Variants in VEZT observed in about 807,000 individuals in gnomAD.
VEZT encodes vezatin, adherens junctions transmembrane protein, also known as vezatin.
Under a neutral mutation model 79.9 loss-of-function variants are expected in VEZT, and 39 were observed. The observed-to-expected ratio is 0.49, with a 90% CI of 0.38 to 0.64. VEZT has a LOEUF of 0.64. VEZT is among the 30% of genes least tolerant of loss of function. The pLI, the probability that VEZT is intolerant of heterozygous loss-of-function variation, is 0.00. For synonymous variants in VEZT, 325 were observed against 327.6 expected, an observed-to-expected ratio of 0.99 and a Z score of 0.09; for missense variants, 837 against 893.1, an observed-to-expected ratio of 0.94 and a Z score of 0.80.
chr12:95,275,954 TAAA>T (rs1313913605), intron 7 of VEZT: 2 of 152,164 alleles, frequency 1.3e-5, no homozygotes, highest in East Asian at 3.9e-4. Flanking sequence ...AGAACACAAA[TAAA>T]AATAATAAGC....
intron 2 of VEZT, among the ~76,000 whole-genome samples, chr12:95,254,210 C>T (rs1467381883): frequency 6.6e-6 from 1 of 151,736 alleles, no homozygotes; most frequent in Non-Finnish European, 1.5e-5. Context: ...CCAGGTTGGT[C>T]TCAAACTCCT....
chr12:95,276,326 G>A (rs1198944159), intron 7 of VEZT, among the ~76,000 whole-genome samples: 1 of 133,976 alleles, frequency 7.5e-6, no homozygotes, highest in African/African-American at 2.8e-5. Flanking sequence ...AGTACAGTGT[G>A]GCTCAATCAC....
rs779855394 is a variant in VEZT at position 95,270,109 on chromosome 12, G to C, written c.769G>C (p.Gly257Arg). 6.2e-7 allele frequency: 1 copy of C among 1,611,912 alleles called. No individual in the cohort carries two copies. The highest frequency in any genetic ancestry group is 8.5e-7 in the Non-Finnish European group (1 of 1,179,102). Residue 257 changes from glycine (G) to arginine (R), a missense_variant, in exon 6 of 12, where the codon GGT becomes CGT. Coordinates refer to ENST00000436874, the MANE Select transcript of VEZT (RefSeq NM_017599.4). ...ACAGCATCCAAGTCAGCATCTCATC[G>C]GTCTTCGGAAAGCTGTCTACCGAAC... is the stretch of plus-strand genomic sequence containing the variant. ...AGQHPSQHLI[G>R]LRKAVYRTLR...
At chr12:95,236,306 G>A (rs1191667980) in intron 1 of VEZT, among the ~76,000 whole-genome samples, 17 of 152,160 alleles carry the variant, frequency 1.1e-4, no homozygotes, top group Non-Finnish European at 2.2e-4. Flanking sequence ...GCCTGTAATC[G>A]CAGGCACTGG....
At chr12:95,286,387 T>G in intron 8 of VEZT, 1 of 501,432 alleles carries the variant, frequency 2.0e-6, no homozygotes, top group South Asian at 1.6e-5. Flanking sequence ...CATATTTGCC[T>G]TTTGTGCCAG....
At chr12:95,280,524 TACACACACACAC>T (rs10611290) in intron 7 of VEZT, among the ~76,000 whole-genome samples, 13 of 137,734 alleles carry the variant, frequency 9.4e-5, no homozygotes, top group Non-Finnish European at 1.3e-4. Flanking sequence ...TTCATATGTG[TACACACACACAC>T]ACACACACAC....
chr12:95,300,716 C>T lies in VEZT; in HGVS notation c.*43C>T. 1 of 1,503,118 alleles carries T rather than the reference C, an allele frequency of 6.7e-7. No individual in the cohort carries two copies. Among genetic ancestry groups the T allele is most frequent in the African/African-American group, 1.4e-5 (1 of 71,966 alleles). The allele number at this position is 1,503,118 out of a possible 1,614,324, so 93.1% of individuals were successfully genotyped here. On this transcript the variant is annotated 3_prime_UTR_variant, in exon 12 of 12. Coordinates refer to ENST00000436874, the MANE Select transcript of VEZT (RefSeq NM_017599.4). ...AAGTGATATTAGATTGTTCCTTTTACAAAAGTGTTTAGCTTCAAGACTGGA... is the reference window on the plus strand; with the variant it reads ...AAGTGATATTAGATTGTTCCTTTTATAAAAGTGTTTAGCTTCAAGACTGGA...
intron 5 of VEZT, 111 bp downstream of exon 5, chr12:95,266,743 T>C (rs1340080727): frequency 1.7e-6 from 2 of 1,153,422 alleles, no homozygotes; most frequent in Non-Finnish European, 2.4e-6. Flanking sequence ...AAAAAAGTGC[T>C]TTTCTCTTTA....
intron 8 of VEZT, among the ~76,000 whole-genome samples, 159 bp downstream of exon 8, chr12:95,282,803 A>T (rs952747737): frequency 9.9e-5 from 15 of 152,200 alleles, no homozygotes; most frequent in South Asian, 2.1e-4. Context: ...CAAAAAAAAA[A>T]AATAATTTAT....
At chr12:95,219,215 G>T (rs910717910) in intron 1 of VEZT, among the ~76,000 whole-genome samples, 2 of 152,110 alleles carry the variant, frequency 1.3e-5, no homozygotes, top group Non-Finnish European at 2.9e-5. Context: ...ACTGATGGGT[G>T]TATTTTTTTT....
Position 95,279,739 on chromosome 12 carries a change from G to A in VEZT, c.997-2574G>A, listed in dbSNP as rs140701670. On this transcript the variant is annotated intron_variant, in intron 7 of 11. Transcript: ENST00000436874. ...CCCAAGTAGCTGGAACAACAGTTAT[G>A]TGCCACCATGCCTGACTAATTTTTA... Among the ~76,000 whole-genome samples the A allele has an allele frequency of 3.2e-3, 481 of 152,246 alleles. 2 individuals are homozygous for A. The highest frequency in any genetic ancestry group is 9.9e-3 in the African/African-American group (412 of 41,548).
intron 3 of VEZT, chr12:95,258,172 A>G (rs573450525): frequency 2.3e-6 from 1 of 441,334 alleles, no homozygotes; most frequent in Non-Finnish European, 4.5e-6. Context: ...TCAGGGTTTC[A>G]TCTTTGTTGA....
At chr12:95,250,383 A>C (rs1042935842) in intron 1 of VEZT, among the ~76,000 whole-genome samples, 2 of 148,222 alleles carry the variant, frequency 1.3e-5, no homozygotes, top group Non-Finnish European at 3.0e-5. Context: ...GCTCACTGCA[A>C]CCTCCACTTC....
At chr12:95,286,510 G>T in intron 8 of VEZT, 2 of 550,142 alleles carry the variant, frequency 3.6e-6, no homozygotes, top group Non-Finnish European at 7.3e-6. Flanking sequence ...AATTCCTCTT[G>T]GTTTGTCAAC....
intron 1 of VEZT, among the ~76,000 whole-genome samples, chr12:95,247,932 C>G (rs1264116929): frequency 4.6e-5 from 7 of 152,102 alleles, no homozygotes; most frequent in Admixed American, 1.3e-4. Flanking sequence ...TAGTAGATAA[C>G]TAGAAATTAC....
intron 7 of VEZT, among the ~76,000 whole-genome samples, chr12:95,275,483 G>C (rs1322383185): frequency 6.6e-6 from 1 of 151,834 alleles, no homozygotes; most frequent in Non-Finnish European, 1.5e-5. Flanking sequence ...GCCTATGGGA[G>C]GCTGAGGCAG....
At chr12:95,274,689 A>G in intron 6 of VEZT, 53 bp from the exon 7 acceptor site, 1 of 1,551,882 alleles carries the variant, frequency 6.4e-7, no homozygotes, top group Admixed American at 2.0e-5. Context: ...ATTTCACTGT[A>G]TCTTTTATGC....
chr12:95,289,622 T>C (rs925164540), intron 9 of VEZT, among the ~76,000 whole-genome samples: 14 of 152,106 alleles, frequency 9.2e-5, no homozygotes, highest in African/African-American at 3.4e-4. Context: ...TTATAGATAA[T>C]AATGATATGG....
At chr12:95,283,472 T>G (rs149650358) in intron 8 of VEZT, among the ~76,000 whole-genome samples, 106 of 152,280 alleles carry the variant, frequency 7.0e-4, no homozygotes, top group African/African-American at 2.5e-3. Flanking sequence ...AAGATTGTAG[T>G]TGATGTACTT....
Sources: allele counts gnomAD v4.1 joint callset (sites outside exome capture counted in the v4.1 genomes callset), GRCh38; gene constraint gnomAD v4.1.1; transcripts MANE v1.5; gene names NCBI Gene and HGNC (gene_info 2026-07-23, HGNC 2026-07-21).